ADAMTS9: variants seen among roughly 807,000 people sequenced by gnomAD.
The protein encoded by ADAMTS9 is ADAM metallopeptidase with thrombospondin type 1 motif 9, also known as A disintegrin and metalloproteinase with thrombospondin motifs 9.
ADAMTS9 carries 107 observed loss-of-function variants against 257.1 expected under a neutral mutation model. The observed-to-expected ratio is 0.42, with a 90% CI of 0.36 to 0.49. ADAMTS9 has a LOEUF of 0.49. Ranked by LOEUF, ADAMTS9 falls within the 20% of genes least tolerant of loss-of-function variation. ADAMTS9 has a pLI of 0.03. For missense variants in ADAMTS9, 2,353 were observed against 2,469.1 expected, an observed-to-expected ratio of 0.95 and a Z score of 1.00; for synonymous variants, 982 against 880.9, an observed-to-expected ratio of 1.11 and a Z score of -2.03.
At chr3:64,569,466 G>A (rs868539235) in intron 28 of ADAMTS9, among the ~76,000 whole-genome samples, 14 of 152,206 alleles carry the variant, frequency 9.2e-5, no homozygotes, top group Admixed American at 3.3e-4. Flanking sequence ...ATGTGAAAAC[G>A]CAATGAAAAC....
chr3:64,684,159 G>A (rs1701831374), intron 2 of ADAMTS9, among the ~76,000 whole-genome samples: 1 of 152,174 alleles, frequency 6.6e-6, no homozygotes, highest in South Asian at 2.1e-4. Flanking sequence ...AGCTGAGACT[G>A]GACATGTGGA....
chr3:64,683,918 G>A (rs974586614), intron 2 of ADAMTS9, among the ~76,000 whole-genome samples: 1 of 151,950 alleles, frequency 6.6e-6, no homozygotes, highest in Non-Finnish European at 1.5e-5. Flanking sequence ...AGGGGGAGGG[G>A]GAGAGATGAC....
At chr3:64,612,851 A>T (rs577536788) in intron 22 of ADAMTS9, among the ~76,000 whole-genome samples, 67 of 152,318 alleles carry the variant, frequency 4.4e-4, no homozygotes, top group African/African-American at 1.6e-3. Context: ...ATTTCCAAGC[A>T]TGAGGGTTTT....
intron 31 of ADAMTS9, among the ~76,000 whole-genome samples, chr3:64,549,421 C>T (rs1047274369): frequency 3.9e-5 from 6 of 152,102 alleles, no homozygotes; most frequent in Admixed American, 2.6e-4. Context: ...GATCCCCCTG[C>T]GTTGGGATCT....
At chr3:64,579,815 T>G (rs926769018) in intron 28 of ADAMTS9, among the ~76,000 whole-genome samples, 3 of 152,202 alleles carry the variant, frequency 2.0e-5, no homozygotes, top group African/African-American at 7.2e-5. Flanking sequence ...TTATATCCAT[T>G]CAGTCCAAAA....
In ADAMTS9 at chr3:64,522,155, G is replaced by A. The variant is rs776730275; in HGVS notation, c.*5+11C>T. 1.9e-6 allele frequency: 3 copies of A among 1,609,912 alleles called. No individual in the cohort carries two copies. The South Asian group carries it at 3.3e-5, about 18-fold the overall frequency. Reference sequence around the variant, plus strand: ...ACAAATACACAGACAGACAGACATAGGACTACTTACCTTAGCTATAAAACT... The same window carrying A: ...ACAAATACACAGACAGACAGACATAAGACTACTTACCTTAGCTATAAAACT... On this transcript the variant is annotated intron_variant, in intron 39 of 39. Coordinates refer to ENST00000498707, the MANE Select transcript of ADAMTS9 (RefSeq NM_182920.2).
intron 31 of ADAMTS9, among the ~76,000 whole-genome samples, chr3:64,548,818 T>C (rs934496563): frequency 1.3e-5 from 2 of 152,254 alleles, no homozygotes; most frequent in East Asian, 3.8e-4. Context: ...TTGGTGTATG[T>C]GCTTGGTTCC....
chr3:64,589,864 T>G (rs1357895148), intron 28 of ADAMTS9: 4 of 152,244 alleles, frequency 2.6e-5, no homozygotes, highest in Admixed American at 2.6e-4. Context: ...CTTTCTGAAA[T>G]GTATTGCAGT....
At chr3:64,682,604 GA>G (rs146515972) in intron 2 of ADAMTS9, among the ~76,000 whole-genome samples, 46 of 152,058 alleles carry the variant, frequency 3.0e-4, no homozygotes, top group African/African-American at 1.0e-3. Flanking sequence ...TCCCGTGCTG[GA>G]AAAAAAATCT....
intron 28 of ADAMTS9, among the ~76,000 whole-genome samples, chr3:64,584,409 T>A (rs1432966823): frequency 1.3e-5 from 2 of 151,940 alleles, no homozygotes; most frequent in Admixed American, 6.6e-5. Flanking sequence ...GAGAAAATCA[T>A]GGGAAAAGGC....
chr3:64,596,520 T>G (rs1559783771), intron 27 of ADAMTS9, among the ~76,000 whole-genome samples: 2 of 152,246 alleles, frequency 1.3e-5, no homozygotes, highest in Middle Eastern at 6.8e-3. Context: ...CATGGACCGA[T>G]TTAACACATA....
chr3:64,652,635 C>G (rs1005944098), intron 8 of ADAMTS9, among the ~76,000 whole-genome samples: 5 of 152,180 alleles, frequency 3.3e-5, no homozygotes, highest in African/African-American at 4.8e-5. Context: ...AAATGTTACT[C>G]ACATTTGCTC....
intron 3 of ADAMTS9, among the ~76,000 whole-genome samples, chr3:64,667,111 T>C (rs1701369781): frequency 6.6e-6 from 1 of 151,762 alleles, no homozygotes; most frequent in Non-Finnish European, 1.5e-5. Flanking sequence ...ATACAAAGAG[T>C]GGTGGCAGAA....
intron 22 of ADAMTS9, among the ~76,000 whole-genome samples, chr3:64,612,335 C>A (rs1389632599): frequency 1.3e-5 from 2 of 152,156 alleles, no homozygotes; most frequent in African/African-American, 4.8e-5. Flanking sequence ...GTGTTCTCCT[C>A]CTCTTATTAT....
At chr3:64,588,132 G>A (rs2084193706) in intron 28 of ADAMTS9, 1 of 152,172 alleles carries the variant, frequency 6.6e-6, no homozygotes, top group African/African-American at 2.4e-5. Context: ...ACGTTTAAAA[G>A]CAAAGATAAA....
chr3:64,591,955 C>T (rs1361158071), intron 28 of ADAMTS9, among the ~76,000 whole-genome samples: 1 of 152,064 alleles, frequency 6.6e-6, no homozygotes, highest in African/African-American at 2.4e-5. Context: ...GATGAAGCAC[C>T]ATGGAAGTGG....
chr3:64,532,838 A>G (rs563890200), intron 38 of ADAMTS9, among the ~76,000 whole-genome samples: 1 of 152,290 alleles, frequency 6.6e-6, no homozygotes, highest in South Asian at 2.1e-4. Flanking sequence ...CAAGCTGGCT[A>G]ACTGAAAGAT....
At chr3:64,627,563 G>A (rs1262024581) in intron 16 of ADAMTS9, among the ~76,000 whole-genome samples, 1 of 152,116 alleles carries the variant, frequency 6.6e-6, no homozygotes, top group East Asian at 1.9e-4. Flanking sequence ...CTCAACAGGA[G>A]GAAGGGGTCC....
chr3:64,521,246 G>C (rs989664353), intron 39 of ADAMTS9, among the ~76,000 whole-genome samples: 3 of 152,118 alleles, frequency 2.0e-5, no homozygotes, highest in African/African-American at 7.2e-5. Context: ...ACCACACTGA[G>C]ATAACATCTC....
Sources: allele counts gnomAD v4.1 joint callset (sites outside exome capture counted in the v4.1 genomes callset), GRCh38; gene constraint gnomAD v4.1.1; transcripts MANE v1.5; gene names NCBI Gene and HGNC (gene_info 2026-07-23, HGNC 2026-07-21).